The following KANK1 variants were observed in gnomAD, a reference collection of about 807,000 sequenced individuals.
KANK1 encodes KN motif and ankyrin repeat domains 1, also known as KN motif and ankyrin repeat domain-containing protein 1.
Under a neutral mutation model 106.2 loss-of-function variants are expected in KANK1, and 109 were observed. The ratio of observed to expected loss-of-function variants is 1.03; its 90% CI spans 0.88 to 1.20. The LOEUF (loss-of-function observed/expected upper bound fraction) is 1.20, where lower values mean the gene tolerates loss of function less well. Ranked by LOEUF, KANK1 falls within the 50% of genes most tolerant of loss-of-function variation. The pLI is 0.00. For missense variants in KANK1, 2,399 were observed against 1,710.7 expected, an observed-to-expected ratio of 1.40 and a Z score of -7.10; for synonymous variants, 873 against 652.2, an observed-to-expected ratio of 1.34 and a Z score of -5.16.
intron 1 of KANK1, among the ~76,000 whole-genome samples, chr9:506,339 T>C (rs1176048953): frequency 6.6e-6 from 1 of 152,184 alleles, no homozygotes; most frequent in Non-Finnish European, 1.5e-5. Context: ...GGCTGTCCTA[T>C]GGGGAGGTTA....
rs774424945 is a variant in KANK1, at chr9:732,633, C to T, written c.3245+16C>T. 5.2e-5 allele frequency: 84 copies of T among 1,608,424 alleles called. No homozygotes were observed. Among genetic ancestry groups the T allele is most frequent in the South Asian group, 6.6e-5 (6 of 90,630 alleles). The stretch of plus-strand genomic sequence containing the variant: ...TCAGAGAGAGGTGTGGTACATTCCC[C>T]TTCCCTCCCTTGCCCCTCCCACATT... On this transcript the variant is annotated intron_variant, in intron 6 of 11. Coordinates refer to ENST00000382297, the MANE Select transcript of KANK1 (RefSeq NM_015158.5).
intron 1 of KANK1, among the ~76,000 whole-genome samples, chr9:564,215 A>G (rs1817241528): frequency 6.6e-6 from 1 of 151,370 alleles, no homozygotes; most frequent in Non-Finnish European, 1.5e-5. Flanking sequence ...GCCCGCCACC[A>G]CGCCCGGCTA....
At position 745,340 on chromosome 9, in the gene KANK1, G is replaced by T; in HGVS notation, c.*105G>T. 7.1e-7 allele frequency: 1 copy of T among 1,404,200 alleles called. No homozygotes were observed. The highest frequency in any genetic ancestry group is 1.0e-6 in the Non-Finnish European group (1 of 997,910). 87.0% of individuals were successfully genotyped at this position (1,404,200 alleles called of 1,614,324 possible). On this transcript the variant is annotated 3_prime_UTR_variant, in exon 12 of 12. Coordinates refer to ENST00000382297, the MANE Select transcript of KANK1 (RefSeq NM_015158.5). ...ATACGTATTGTGCCTGAGCTCACCAGCAAACAGAAGCATCAAGCCCAGGGG... is the reference window on the plus strand; with the variant it reads ...ATACGTATTGTGCCTGAGCTCACCATCAAACAGAAGCATCAAGCCCAGGGG...
chr9:633,320 T>C (rs916888672), intron 1 of KANK1, among the ~76,000 whole-genome samples: 3 of 151,736 alleles, frequency 2.0e-5, no homozygotes, highest in East Asian at 2.0e-4. Context: ...TAGCCGGGCG[T>C]GGTGGCGGGC....
rs545713643 is a variant in KANK1 at position 646,074 on chromosome 9, T to G, written c.-83-30816T>G. 4.6e-5 allele frequency among the ~76,000 whole-genome samples: 7 copies of G among 151,048 alleles called. No individual in the cohort carries two copies. In the East Asian group the frequency reaches 1.3e-3, roughly 29 times the overall value. Reference sequence around the variant, plus strand: ...AGGGCAGGGTAGACATCTAATAAAGTCTTTGTTTCCTTTTGTAAGTTTCTC... The same window carrying G: ...AGGGCAGGGTAGACATCTAATAAAGGCTTTGTTTCCTTTTGTAAGTTTCTC... On this transcript the variant is annotated intron_variant, in intron 1 of 11. Transcript: ENST00000382297.
chr9:732,603 G>A lies in KANK1; in HGVS notation c.3231G>A (p.Val1077=), dbSNP rs749783194. 1.9e-6 allele frequency: 3 copies of A among 1,614,014 alleles called. No individual in the cohort carries two copies. The highest frequency in any genetic ancestry group is 1.1e-5 in the South Asian group (1 of 91,062). Residue 1077 remains valine (V), a synonymous_variant, in exon 6 of 12, where the codon GTG becomes GTA. Coordinates refer to ENST00000382297, the MANE Select transcript of KANK1 (RefSeq NM_015158.5). The stretch of plus-strand genomic sequence containing the variant: ...TTCAAGAATGTGAACCTGAGAAGGT[G>A]GAAATCAGAGAGAGGTGTGGTACAT... ...MQVQECEPEK[V]EIRERYELSE... is the part of the protein sequence containing the mutation.
intron 1 of KANK1, among the ~76,000 whole-genome samples, chr9:560,072 A>C (rs1587816253): frequency 6.6e-6 from 1 of 152,230 alleles, no homozygotes; most frequent in African/African-American, 2.4e-5. Context: ...ATAATCCTCT[A>C]ATGGAATAAA....
intron 1 of KANK1, among the ~76,000 whole-genome samples, chr9:579,047 G>T (rs751879214): frequency 6.6e-6 from 1 of 152,184 alleles, no homozygotes; most frequent in Non-Finnish European, 1.5e-5. Flanking sequence ...AATGCCAGCT[G>T]AAGCAGAGTA....
intron 2 of KANK1, among the ~76,000 whole-genome samples, chr9:678,546 T>G (rs1816858944): frequency 6.6e-6 from 1 of 151,968 alleles, no homozygotes; most frequent in African/African-American, 2.4e-5. Context: ...CTGGCCAACA[T>G]GACGAAACCC....
In KANK1 at chr9:731,162, TACAA is replaced by T. The variant is rs747592186; in HGVS notation, c.2906_2909del (p.Asn969MetfsTer5). 6 of 1,594,486 alleles carry T rather than the reference TACAA, an allele frequency of 3.8e-6. No homozygotes were observed. Among genetic ancestry groups the T allele is most frequent in the African/African-American group, 1.3e-5 (1 of 74,550 alleles). Reference sequence around the variant, plus strand: ...ATTGCCTTGACTTTTTCACAGCATGTACAAACAATGAAAGTACACTGAAGTCCAT... The same window carrying T: ...ATTGCCTTGACTTTTTCACAGCATGTACAATGAAAGTACACTGAAGTCCAT... On this transcript the variant is annotated frameshift_variant, in exon 5 of 12. Transcript: ENST00000382297. LOFTEE classifies it high-confidence loss of function.
At chr9:530,199 A>T (rs1331662185) in intron 1 of KANK1, among the ~76,000 whole-genome samples, 1 of 152,022 alleles carries the variant, frequency 6.6e-6, no homozygotes, top group Non-Finnish European at 1.5e-5. Flanking sequence ...TCATCTTTTG[A>T]TTCGGGTTAT....
At chr9:568,290 C>A (rs1818302250) in intron 1 of KANK1, among the ~76,000 whole-genome samples, 1 of 152,176 alleles carries the variant, frequency 6.6e-6, no homozygotes, top group Admixed American at 6.5e-5. Context: ...AAATCTTCAA[C>A]ATCATACCCA....
At chr9:604,169 T>G (rs1292773501) in intron 1 of KANK1, among the ~76,000 whole-genome samples, 1 of 151,636 alleles carries the variant, frequency 6.6e-6, no homozygotes, top group Non-Finnish European at 1.5e-5. Flanking sequence ...TTCTGATTAT[T>G]CTGGTCCTTA....
intron 2 of KANK1, among the ~76,000 whole-genome samples, chr9:708,958 C>T (rs533130157): frequency 5.3e-5 from 8 of 152,296 alleles, no homozygotes; most frequent in East Asian, 3.9e-4. Flanking sequence ...ACAAGGTCTG[C>T]GCTTTGAAAG....
intron 1 of KANK1, among the ~76,000 whole-genome samples, chr9:505,447 G>T (rs2058708747): frequency 6.6e-6 from 1 of 152,238 alleles, no homozygotes; most frequent in African/African-American, 2.4e-5. Flanking sequence ...GTCGAGGGAA[G>T]GTGTAGGGGC....
chr9:652,223 G>C (rs76673482), intron 1 of KANK1, among the ~76,000 whole-genome samples: 1 of 151,974 alleles, frequency 6.6e-6, no homozygotes, highest in Non-Finnish European at 1.5e-5. Context: ...ACATTCATCA[G>C]AGTGTTTGCA....
chr9:676,550 T>C (rs1816449656), intron 1 of KANK1, among the ~76,000 whole-genome samples: 1 of 152,220 alleles, frequency 6.6e-6, no homozygotes, highest in South Asian at 2.1e-4. Context: ...GAAGATATGC[T>C]TAAAAACCAA....
intron 3 of KANK1, among the ~76,000 whole-genome samples, chr9:481,014 T>C (rs1587202010): frequency 6.6e-6 from 1 of 152,160 alleles, no homozygotes; most frequent in African/African-American, 2.4e-5. Context: ...CTACCAAACA[T>C]CACAGCCTAG....
At chr9:548,294 G>A (rs940998112) in intron 1 of KANK1, among the ~76,000 whole-genome samples, 1 of 152,176 alleles carries the variant, frequency 6.6e-6, no homozygotes, top group Non-Finnish European at 1.5e-5. Context: ...ATCCGCCAGG[G>A]AAGAGTCCCA....
Sources: allele counts gnomAD v4.1 joint callset (sites outside exome capture counted in the v4.1 genomes callset), GRCh38; gene constraint gnomAD v4.1.1; transcripts MANE v1.5; gene names NCBI Gene and HGNC (gene_info 2026-07-23, HGNC 2026-07-21).